The following COG3 variants were observed in gnomAD, a reference collection of about 807,000 sequenced individuals.
COG3 encodes the protein component of oligomeric golgi complex 3, also known as conserved oligomeric Golgi complex subunit 3.
A neutral mutation model predicts 114.1 loss-of-function variants in COG3; 32 were observed. That is an observed-to-expected ratio of 0.28 (90% CI 0.21 to 0.38). COG3 has a LOEUF of 0.38. Among genes scored for constraint, COG3 ranks in the 10% least tolerant of loss-of-function variants. The pLI, the probability that COG3 is intolerant of heterozygous loss-of-function variation, is 1.00. For synonymous variants in COG3, 352 were observed against 365.7 expected (o/e 0.96, Z 0.43); for missense variants, 813 against 973.2 (o/e 0.84, Z 2.19).
intron 14 of COG3, among the ~76,000 whole-genome samples, chr13:45,506,459 A>G (rs1413275804): frequency 6.6e-6 from 1 of 152,202 alleles, no homozygotes; most frequent in Non-Finnish European, 1.5e-5. Flanking sequence ...TTGTAGTTAT[A>G]AAGTGGCATG....
intron 17 of COG3, among the ~76,000 whole-genome samples, chr13:45,517,652 C>G (rs1871688158): frequency 6.6e-6 from 1 of 152,166 alleles, no homozygotes; most frequent in Non-Finnish European, 1.5e-5. Flanking sequence ...AGGCTTCCAT[C>G]TCCCACCCAT....
intron 1 of COG3, among the ~76,000 whole-genome samples, chr13:45,475,950 C>T (rs1885829929): frequency 7.0e-6 from 1 of 143,248 alleles, no homozygotes; most frequent in African/African-American, 2.6e-5. Context: ...GATGACAGAG[C>T]AAGACCCTGT....
At chr13:45,510,549 C>G (rs192322951) in intron 15 of COG3, among the ~76,000 whole-genome samples, 68 of 152,206 alleles carry the variant, frequency 4.5e-4, no homozygotes, top group Non-Finnish European at 2.4e-4. Context: ...GTCAGGATCC[C>G]AAGGAAAATA....
Position 45,535,362 on chromosome 13 carries a change from G to C in COG3, c.*631G>C. Reference sequence around the variant, plus strand: ...GACTTTGTGTGAAGCTCCAGCATCTGTGCCCCTTGAATTGCTTAGGTGCAG... The same window carrying C: ...GACTTTGTGTGAAGCTCCAGCATCTCTGCCCCTTGAATTGCTTAGGTGCAG... On this transcript the variant is annotated 3_prime_UTR_variant, in exon 23 of 23. Coordinates refer to ENST00000349995, the MANE Select transcript of COG3 (RefSeq NM_031431.4). The C allele has an allele frequency of 1.0e-6, 1 of 985,456 alleles. No individual in the cohort carries two copies. Among genetic ancestry groups the C allele is most frequent in the Non-Finnish European group, 1.2e-6 (1 of 829,956 alleles). The allele number at this position is 985,456 out of a possible 1,614,324, so 61.0% of individuals were successfully genotyped here. A position where few individuals can be genotyped will look rare whatever the true frequency, so the allele number is the denominator to read the frequency against.
intron 20 of COG3, among the ~76,000 whole-genome samples, chr13:45,529,040 C>T (rs892516103): frequency 6.6e-5 from 10 of 152,180 alleles, no homozygotes; most frequent in Non-Finnish European, 1.2e-4. Context: ...TCCATACCCT[C>T]GTCAAACATG....
In COG3 at chr13:45,483,370, C is replaced by A; in HGVS notation, c.843+15C>A. 2 of 1,551,484 alleles carry A rather than the reference C, an allele frequency of 1.3e-6. No individual in the cohort carries two copies. The highest frequency in any genetic ancestry group is 1.7e-6 in the Non-Finnish European group (2 of 1,149,064). ...TACTGAAAAGGGTGAGTTAACTGATCTCAACAACAGGTTTTTGTTATTGTT... is the reference window on the plus strand; with the variant it reads ...TACTGAAAAGGGTGAGTTAACTGATATCAACAACAGGTTTTTGTTATTGTT... On this transcript the variant is annotated intron_variant, in intron 7 of 22. Coordinates refer to ENST00000349995, the MANE Select transcript of COG3 (RefSeq NM_031431.4).
At chr13:45,521,334 C>G (rs1872110500) in intron 19 of COG3, among the ~76,000 whole-genome samples, 1 of 152,186 alleles carries the variant, frequency 6.6e-6, no homozygotes, top group Non-Finnish European at 1.5e-5. Flanking sequence ...GGCCTTGCCT[C>G]TCATCCCCAT....
At chr13:45,530,970 C>T (rs1429657406) in intron 22 of COG3, 190 bp downstream of exon 22, 1 of 983,302 alleles carries the variant, frequency 1.0e-6, no homozygotes, top group Non-Finnish European at 1.2e-6. Flanking sequence ...TTAGAATTTT[C>T]AGTTAATCTC....
intron 2 of COG3, 80 bp from the exon 3 acceptor site, chr13:45,478,925 T>C: frequency 3.1e-6 from 3 of 959,376 alleles, no homozygotes; most frequent in East Asian, 2.4e-5. Flanking sequence ...TCTGTCCTTT[T>C]GACTTGCTGC....
At chr13:45,528,378 A>G (rs1199101863) in intron 20 of COG3, among the ~76,000 whole-genome samples, 1 of 152,034 alleles carries the variant, frequency 6.6e-6, no homozygotes. Flanking sequence ...TCTTTCTTGG[A>G]TGAGATCCAA....
intron 18 of COG3, 29 bp from the exon 19 acceptor site, chr13:45,518,931 C>T (rs767472173): frequency 7.7e-5 from 125 of 1,613,438 alleles, no homozygotes; most frequent in Non-Finnish European, 1.0e-4. Flanking sequence ...CACATAAAAA[C>T]AGGAGGAAAT....
chr13:45,488,272 TAC>T (rs1886793858), intron 8 of COG3, among the ~76,000 whole-genome samples: 2 of 152,038 alleles, frequency 1.3e-5, no homozygotes, highest in Non-Finnish European at 2.9e-5. Context: ...GGTATAAATG[TAC>T]AGTTTAATAG....
In COG3 at chr13:45,509,730, A is replaced by G. The variant is rs763313378; in HGVS notation, c.1633A>G (p.Ile545Val). 2.2e-5 allele frequency: 36 copies of G among 1,613,932 alleles called. No individual in the cohort carries two copies. The highest frequency in any genetic ancestry group is 6.7e-5 in the Admixed American group (4 of 59,996). Reference sequence around the variant, plus strand: ...CCTCAATCCTAGACCACAGACCACAATTTCTCCAGCAGATCTTCATGGAAT... The same window carrying G: ...CCTCAATCCTAGACCACAGACCACAGTTTCTCCAGCAGATCTTCATGGAAT... ...ESLNPRPQTT[I>V]SPADLHGMWY... Residue 545 changes from isoleucine to valine, a missense_variant, in exon 15 of 23, where the codon ATT (isoleucine) becomes GTT (valine). By Grantham distance (29) the Ile-to-Val change is conservative. Coordinates refer to ENST00000349995, the MANE Select transcript of COG3 (RefSeq NM_031431.4).
intron 19 of COG3, among the ~76,000 whole-genome samples, chr13:45,520,537 G>A (rs1157180035): frequency 1.3e-5 from 2 of 152,108 alleles, no homozygotes; most frequent in Non-Finnish European, 2.9e-5. Context: ...ATCCATCAAC[G>A]CTAATATGCC....
intron 8 of COG3, among the ~76,000 whole-genome samples, chr13:45,487,647 A>G (rs1177339513): frequency 1.3e-5 from 2 of 152,364 alleles, no homozygotes; most frequent in East Asian, 3.9e-4. Flanking sequence ...GTTCAACATC[A>G]CTAATCAGCA....
In COG3 at chr13:45,515,314, T is replaced by C. The variant is rs544853726; in HGVS notation, c.1810-829T>C. Among the ~76,000 whole-genome samples, 3 of 152,360 alleles carry C rather than the reference T, an allele frequency of 2.0e-5. No homozygotes were observed. In the South Asian group the frequency reaches 6.2e-4, roughly 32 times the overall value. On this transcript the variant is annotated intron_variant, in intron 16 of 22. Coordinates refer to ENST00000349995, the MANE Select transcript of COG3 (RefSeq NM_031431.4). The stretch of plus-strand genomic sequence containing the variant: ...AGACTGGGAAGGAATCTTCATTTAA[T>C]AACTCCTTTAAAATTTATATTGCTT...
chr13:45,491,308 C>T (rs780248268), intron 9 of COG3, 104 bp from the exon 10 acceptor site: 6 of 1,155,070 alleles, frequency 5.2e-6, no homozygotes, highest in South Asian at 1.6e-5. Flanking sequence ...GAGAGGTGAC[C>T]GTTATAGCTT....
intron 2 of COG3, among the ~76,000 whole-genome samples, chr13:45,478,015 G>A (rs570433095): frequency 4.5e-4 from 69 of 152,142 alleles, no homozygotes; most frequent in African/African-American, 1.5e-3. Flanking sequence ...ATTGATATTT[G>A]CCCAAAGCAC....
chr13:45,500,200 T>C (rs762087207), intron 13 of COG3, among the ~76,000 whole-genome samples: 50 of 151,892 alleles, frequency 3.3e-4, no homozygotes, highest in Admixed American at 7.2e-4. Context: ...CTTGAAATAA[T>C]TTTGCTAAGT....
Sources: allele counts gnomAD v4.1 joint callset (sites outside exome capture counted in the v4.1 genomes callset), GRCh38; gene constraint gnomAD v4.1.1; transcripts MANE v1.5; gene names NCBI Gene and HGNC (gene_info 2026-07-23, HGNC 2026-07-21).